The following DSCAM variants were observed in gnomAD, a reference collection of about 807,000 sequenced individuals.
DSCAM encodes DS cell adhesion molecule.
A neutral mutation model predicts 217.7 loss-of-function variants in DSCAM; 47 were observed. The observed-to-expected ratio is 0.22, with a 90% CI of 0.17 to 0.28. The LOEUF is 0.28. Ranked by LOEUF, DSCAM falls within the 10% of genes least tolerant of loss-of-function variation. The pLI is 1.00. For missense variants in DSCAM, 2,080 were observed against 2,618.3 expected (o/e 0.79, Z 4.49); for synonymous variants, 1,056 against 1,015.3 (o/e 1.04, Z -0.76).
In DSCAM at chr21:40,530,879, G is replaced by GTCCA. The variant is rs759529131; in HGVS notation, c.509-161638_509-161635dup. On this transcript the variant is annotated intron_variant, in intron 3 of 32. Coordinates refer to ENST00000400454, the MANE Select transcript of DSCAM (RefSeq NM_001389.5). ...GCCATAACATCTCTCAGCCCTGCCTGTCCATCCATCCATCCATCCATCCAT... is the reference window on the plus strand; with the variant it reads ...GCCATAACATCTCTCAGCCCTGCCTGTCCATCCATCCATCCATCCATCCATCCAT... Among the ~76,000 whole-genome samples the GTCCA allele has an allele frequency of 6.2e-3, 919 of 147,966 alleles. 8 individuals carry two copies. The highest frequency in any genetic ancestry group is 0.021 in the Middle Eastern group (6 of 292).
At chr21:40,467,665 T>C (rs1384645457) in intron 3 of DSCAM, among the ~76,000 whole-genome samples, 4 of 152,150 alleles carry the variant, frequency 2.6e-5, no homozygotes, top group Non-Finnish European at 4.4e-5. Context: ...AAATATGGAA[T>C]ATTGTAAAAT....
At chr21:40,598,604 A>G (rs2077039857) in intron 3 of DSCAM, among the ~76,000 whole-genome samples, 1 of 145,390 alleles carries the variant, frequency 6.9e-6, no homozygotes, top group African/African-American at 2.6e-5. Flanking sequence ...TCCTGGGTTC[A>G]AGTGATTCTC....
At chr21:40,300,838 T>G (rs935346441) in intron 9 of DSCAM, among the ~76,000 whole-genome samples, 1 of 152,108 alleles carries the variant, frequency 6.6e-6, no homozygotes, top group African/African-American at 2.4e-5. Flanking sequence ...GAATCCAATA[T>G]TTTGCCTTTC....
At chr21:40,253,631 G>A (rs2073333540) in intron 11 of DSCAM, among the ~76,000 whole-genome samples, 2 of 152,204 alleles carry the variant, frequency 1.3e-5, no homozygotes, top group African/African-American at 4.8e-5. Flanking sequence ...ATAGATCTCA[G>A]TCATGTGGCC....
In DSCAM at chr21:40,021,999, T is replaced by A. The variant is rs187096756; in HGVS notation, c.5687-8613A>T. On this transcript the variant is annotated intron_variant, in intron 32 of 32. Transcript: ENST00000400454. ...TCAATCTATTCAGACACACGCAAGG[T>A]TTGAATGTATTTCAGTTCTTGGAAG... 4.1e-4 allele frequency among the ~76,000 whole-genome samples: 63 copies of A among 152,298 alleles called. No individual in the cohort carries two copies. The Middle Eastern group carries it at 0.01, about 25-fold the overall frequency.
chr21:40,560,417 G>A (rs890898817), intron 3 of DSCAM, among the ~76,000 whole-genome samples: 8 of 152,146 alleles, frequency 5.3e-5, no homozygotes, highest in Non-Finnish European at 4.4e-5. Flanking sequence ...ACAACACCAC[G>A]TTCCCCATGT....
chr21:40,755,854 A>G (rs1319518715), intron 1 of DSCAM, among the ~76,000 whole-genome samples: 2 of 152,242 alleles, frequency 1.3e-5, no homozygotes, highest in African/African-American at 4.8e-5. Context: ...GTCCTTTGCA[A>G]TGTGACTTTG....
At chr21:40,199,484 A>G (rs2091048742) in intron 11 of DSCAM, among the ~76,000 whole-genome samples, 1 of 152,206 alleles carries the variant, frequency 6.6e-6, no homozygotes, top group East Asian at 1.9e-4. Context: ...TTTATTGTAG[A>G]ATGAGTTATA....
At chr21:40,417,969 A>G (rs2075387982) in intron 3 of DSCAM, among the ~76,000 whole-genome samples, 1 of 152,208 alleles carries the variant, frequency 6.6e-6, no homozygotes, top group Non-Finnish European at 1.5e-5. Context: ...ACTTTAAGGC[A>G]GCCTCAAACC....
At chr21:40,763,824 G>A (rs1031238793) in intron 1 of DSCAM, among the ~76,000 whole-genome samples, 5 of 152,164 alleles carry the variant, frequency 3.3e-5, no homozygotes, top group Non-Finnish European at 7.3e-5. Context: ...TGGAAAACGT[G>A]ACAAGAACAA....
chr21:40,486,446 G>A (rs1055004720), intron 3 of DSCAM, among the ~76,000 whole-genome samples: 4 of 151,876 alleles, frequency 2.6e-5, no homozygotes, highest in Non-Finnish European at 5.9e-5. Context: ...AGGCAGGCAG[G>A]CAGGCAGGAA....
chr21:40,611,744 T>G (rs895690248), intron 3 of DSCAM, among the ~76,000 whole-genome samples: 3 of 152,226 alleles, frequency 2.0e-5, no homozygotes, highest in African/African-American at 7.2e-5. Flanking sequence ...GCTATGCAAA[T>G]AGCTCTGAAC....
intron 3 of DSCAM, among the ~76,000 whole-genome samples, chr21:40,560,910 G>C (rs142186797): frequency 3.5e-4 from 53 of 152,284 alleles, no homozygotes; most frequent in African/African-American, 1.3e-3. Flanking sequence ...CCACGGTAAA[G>C]CCAAATATTG....
intron 16 of DSCAM, among the ~76,000 whole-genome samples, chr21:40,147,861 T>C (rs1328321945): frequency 2.0e-5 from 3 of 152,192 alleles, no homozygotes; most frequent in Non-Finnish European, 2.9e-5. Context: ...GTTGGGGATA[T>C]TATTGTTTCC....
At chr21:40,175,259 G>A (rs1406919984) in intron 15 of DSCAM, among the ~76,000 whole-genome samples, 1 of 152,048 alleles carries the variant, frequency 6.6e-6, no homozygotes, top group Non-Finnish European at 1.5e-5. Context: ...ACAGGCATGT[G>A]CCACAATGCA....
intron 11 of DSCAM, among the ~76,000 whole-genome samples, chr21:40,259,658 A>ATTTTTT (rs1365627587): frequency 1.3e-4 from 8 of 60,122 alleles, no homozygotes; most frequent in Non-Finnish European, 3.0e-4. Flanking sequence ...TGAGTCAGCC[A>ATTTTTT]TTCTTTTTTT....
chr21:40,777,596 T>A (rs1174129896), intron 1 of DSCAM, among the ~76,000 whole-genome samples: 1 of 152,164 alleles, frequency 6.6e-6, no homozygotes, highest in African/African-American at 2.4e-5. Context: ...TTCCAGGAGA[T>A]AATCTATTTG....
At chr21:40,717,631 T>G (rs1339566542) in intron 1 of DSCAM, among the ~76,000 whole-genome samples, 1 of 152,146 alleles carries the variant, frequency 6.6e-6, no homozygotes, top group African/African-American at 2.4e-5. Context: ...AGACAGAAAG[T>G]CGACTAGTGG....
chr21:40,417,684 T>C (rs1006309694), intron 3 of DSCAM, among the ~76,000 whole-genome samples: 1 of 152,216 alleles, frequency 6.6e-6, no homozygotes, highest in African/African-American at 2.4e-5. Flanking sequence ...GTTCTAGATA[T>C]ATAAAGCAAT....
Sources: gnomAD v4.1 joint callset for allele counts (sites outside exome capture counted in the v4.1 genomes callset) on GRCh38, gnomAD v4.1.1 for gene constraint, MANE v1.5 for transcripts, NCBI Gene and HGNC (gene_info 2026-07-23, HGNC 2026-07-21) for gene names.